The following CA10 variants were observed in gnomAD, a reference collection of about 807,000 sequenced individuals.
CA10 encodes carbonic anhydrase 10 (inactive).
A neutral mutation model predicts 44.2 loss-of-function variants in CA10; 14 were observed. The observed-to-expected ratio is 0.32, with a 90% CI of 0.21 to 0.50. The LOEUF is 0.50. CA10 is among the 20% of genes least tolerant of loss of function. The pLI is 0.99. For missense variants in CA10, 350 were observed against 409.7 expected (o/e 0.85, Z 1.26); for synonymous variants, 159 against 141.6 (o/e 1.12, Z -0.87).
intron 1 of CA10, among the ~76,000 whole-genome samples, chr17:52,103,250 C>T (rs997010296): frequency 6.6e-6 from 1 of 152,134 alleles, no homozygotes; most frequent in African/African-American, 2.4e-5. Context: ...TTATTGTTTT[C>T]TTTCTTTGGG....
chr17:51,748,737 C>T lies in CA10; in HGVS notation c.280-919G>A, dbSNP rs566536374. Among the ~76,000 whole-genome samples, 12 of 152,326 alleles carry T rather than the reference C, an allele frequency of 7.9e-5. No homozygotes were observed. In the South Asian group the frequency reaches 1.9e-3, roughly 24 times the overall value. Reference sequence around the variant, plus strand: ...TCTTCCTGCTTACTCTGACTTTGGGCCAAGCCTTCAGCCCTAGTGATTCCT... The same window carrying T: ...TCTTCCTGCTTACTCTGACTTTGGGTCAAGCCTTCAGCCCTAGTGATTCCT... On this transcript the variant is annotated intron_variant, in intron 3 of 8. Transcript: ENST00000451037.
chr17:52,034,658 C>T (rs989878751), intron 2 of CA10, among the ~76,000 whole-genome samples: 4 of 152,098 alleles, frequency 2.6e-5, no homozygotes, highest in Admixed American at 2.0e-4. Flanking sequence ...TTCACCAGTG[C>T]GTGACACCTT....
At chr17:51,833,927 C>CACTGGAGGCACTGTACGGAG (rs1186854435) in intron 3 of CA10, among the ~76,000 whole-genome samples, 3 of 152,130 alleles carry the variant, frequency 2.0e-5, no homozygotes, top group Non-Finnish European at 2.9e-5. Context: ...TTTCCACTGC[C>CACTGGAGGCACTGTACGGAG]AAGTACGGAG....
chr17:52,089,983 A>G (rs925343030), intron 1 of CA10, among the ~76,000 whole-genome samples: 1 of 152,198 alleles, frequency 6.6e-6, no homozygotes, highest in African/African-American at 2.4e-5. Context: ...ATGAGTTATT[A>G]GTATTTCACG....
At chr17:52,031,298 C>G (rs1368138723) in intron 2 of CA10, among the ~76,000 whole-genome samples, 1 of 151,896 alleles carries the variant, frequency 6.6e-6, no homozygotes, top group Admixed American at 6.6e-5. Flanking sequence ...TACAGGCATG[C>G]ACCACCATGC....
chr17:52,015,394 T>C (rs1459827793), intron 2 of CA10, among the ~76,000 whole-genome samples: 4 of 152,140 alleles, frequency 2.6e-5, no homozygotes, highest in Non-Finnish European at 5.9e-5. Flanking sequence ...TCCCCAATAG[T>C]ATATTTTCAA....
rs574046626 is a variant in CA10 at position 51,958,796 on chromosome 17, A to C, written c.137-27664T>G. On this transcript the variant is annotated intron_variant, in intron 2 of 8. Transcript: ENST00000451037. ...ACAGATAAGCAAAAACAAAACGAGA[A>C]GAAAACATGAGAATACCAATAGAAG... is the stretch of plus-strand genomic sequence containing the variant. Among the ~76,000 whole-genome samples, 179 of 152,314 alleles carry C rather than the reference A, an allele frequency of 1.2e-3. 5 individuals carry two copies. The South Asian group carries it at 0.021, about 18-fold the overall frequency.
intron 1 of CA10, among the ~76,000 whole-genome samples, chr17:52,130,424 T>A (rs1387428890): frequency 6.6e-6 from 1 of 152,150 alleles, no homozygotes; most frequent in Admixed American, 6.5e-5. Context: ...AATTGATGAA[T>A]GAATAAAGAA....
At chr17:51,814,506 G>A (rs1907492756) in intron 3 of CA10, among the ~76,000 whole-genome samples, 1 of 152,208 alleles carries the variant, frequency 6.6e-6, no homozygotes, top group East Asian at 1.9e-4. Flanking sequence ...ATTAAAGGCT[G>A]TTGTAAGTCC....
intron 1 of CA10, 98 bp downstream of exon 1, chr17:52,157,628 C>T: frequency 9.1e-7 from 1 of 1,095,240 alleles, no homozygotes; most frequent in Non-Finnish European, 1.4e-6. Flanking sequence ...GTCTCGCCAC[C>T]CCTCTCTCTG....
At chr17:52,129,516 A>G (rs1989187147) in intron 1 of CA10, among the ~76,000 whole-genome samples, 1 of 152,226 alleles carries the variant, frequency 6.6e-6, no homozygotes, top group African/African-American at 2.4e-5. Flanking sequence ...ACATGGATAT[A>G]CTATGTGGTG....
At chr17:51,691,178 T>A (rs1597988107) in intron 4 of CA10, among the ~76,000 whole-genome samples, 2 of 152,352 alleles carry the variant, frequency 1.3e-5, no homozygotes, top group East Asian at 3.9e-4. Context: ...CTAATTTGCA[T>A]TCCCATCAAC....
chr17:51,734,169 A>T (rs1240224281), intron 4 of CA10, among the ~76,000 whole-genome samples: 1 of 108,070 alleles, frequency 9.3e-6, no homozygotes. Flanking sequence ...TGTGTACTCA[A>T]TCTTTGGTTG....
intron 4 of CA10, among the ~76,000 whole-genome samples, chr17:51,714,540 A>G (rs766540589): frequency 6.6e-6 from 1 of 152,098 alleles, no homozygotes; most frequent in African/African-American, 2.4e-5. Flanking sequence ...ACAAGGTTGG[A>G]CCTTCTCTAG....
At chr17:51,867,809 C>T (rs1979620630) in intron 3 of CA10, among the ~76,000 whole-genome samples, 1 of 152,064 alleles carries the variant, frequency 6.6e-6, no homozygotes, top group Non-Finnish European at 1.5e-5. Flanking sequence ...TGGAGTTCTG[C>T]CTCATGAACT....
intron 2 of CA10, among the ~76,000 whole-genome samples, chr17:52,057,176 C>A (rs1987251674): frequency 6.6e-6 from 1 of 152,076 alleles, no homozygotes; most frequent in South Asian, 2.1e-4. Flanking sequence ...CCTTGAACAA[C>A]ATGGGGTGTG....
chr17:52,137,032 T>C (rs1989375668), intron 1 of CA10, among the ~76,000 whole-genome samples: 1 of 152,160 alleles, frequency 6.6e-6, no homozygotes, highest in South Asian at 2.1e-4. Flanking sequence ...ATTCTTCTTC[T>C]GTATTTCTAT....
intron 4 of CA10, among the ~76,000 whole-genome samples, chr17:51,719,060 C>G (rs1346953179): frequency 3.9e-5 from 6 of 152,142 alleles, no homozygotes. Context: ...GAGAGCTCAT[C>G]TGAGCATACC....
intron 2 of CA10, among the ~76,000 whole-genome samples, chr17:51,947,060 T>C (rs1983305559): frequency 6.6e-6 from 1 of 152,136 alleles, no homozygotes; most frequent in South Asian, 2.1e-4. Context: ...AACAAAAATA[T>C]GATGAATGCT....
Sources: allele counts gnomAD v4.1 joint callset (sites outside exome capture counted in the v4.1 genomes callset), GRCh38; gene constraint gnomAD v4.1.1; transcripts MANE v1.5; gene names NCBI Gene and HGNC (gene_info 2026-07-23, HGNC 2026-07-21).